The following ROBO2 variants were observed in gnomAD, a reference collection of about 807,000 sequenced individuals.
ROBO2 encodes roundabout guidance receptor 2.
Under a neutral mutation model 160.8 loss-of-function variants are expected in ROBO2, and 53 were observed. The ratio of observed to expected loss-of-function variants is 0.33; its 90% CI spans 0.26 to 0.41. The LOEUF is 0.41. Among genes scored for constraint, ROBO2 ranks in the 10% least tolerant of loss-of-function variants. The probability of loss-of-function intolerance (pLI) is 1.00; values close to 1 mark genes in which losing one functional copy is unlikely to be tolerated. For missense variants in ROBO2, 1,577 were observed against 1,722.4 expected (o/e 0.92, Z 1.49); for synonymous variants, 664 against 611.7 (o/e 1.09, Z -1.26).
exon 1 of ROBO2, chr3:77,040,773 T>A (rs2064001537): frequency 1.9e-6 from 3 of 1,614,062 alleles, no homozygotes; most frequent in Non-Finnish European, 2.5e-6. Context: ...TGGATCCTTT[T>A]TAATATGTCA....
chr3:76,008,863 T>TGAA (rs1183373073), intron 2 of ROBO2, among the ~76,000 whole-genome samples: 5 of 152,112 alleles, frequency 3.3e-5, no homozygotes, highest in Non-Finnish European at 5.9e-5. Context: ...CCTTCAGAAA[T>TGAA]GAAGACCCAA....
intron 2 of ROBO2, among the ~76,000 whole-genome samples, chr3:76,266,787 T>C (rs1032145774): frequency 6.6e-6 from 1 of 152,146 alleles, no homozygotes; most frequent in African/African-American, 2.4e-5. Context: ...ACCAAACTTT[T>C]GTGATATTTC....
At chr3:76,746,971 A>G (rs771635475) in intron 2 of ROBO2, among the ~76,000 whole-genome samples, 15 of 152,068 alleles carry the variant, frequency 9.9e-5, no homozygotes, top group Non-Finnish European at 7.4e-5. Context: ...GTCCCTGCAA[A>G]CAACGTGATC....
chr3:77,018,829 C>G (rs1220562682), intron 2 of ROBO2, among the ~76,000 whole-genome samples: 1 of 152,120 alleles, frequency 6.6e-6, no homozygotes, highest in African/African-American at 2.4e-5. Context: ...GAGACCGAAA[C>G]CAGAATGGTG....
chr3:76,532,826 C>T (rs1235500069), intron 2 of ROBO2, among the ~76,000 whole-genome samples: 2 of 152,162 alleles, frequency 1.3e-5, no homozygotes, highest in Non-Finnish European at 2.9e-5. Context: ...ACCCCATGAA[C>T]ATCATTATAA....
intron 6 of ROBO2, among the ~76,000 whole-genome samples, chr3:77,530,229 T>C (rs2091556521): frequency 6.6e-6 from 1 of 151,974 alleles, no homozygotes; most frequent in East Asian, 1.9e-4. Flanking sequence ...ATATAACGTT[T>C]AGAGAAATTT....
chr3:77,085,528 A>T (rs1308962320), intron 1 of ROBO2, among the ~76,000 whole-genome samples: 1 of 152,064 alleles, frequency 6.6e-6, no homozygotes, highest in African/African-American at 2.4e-5. Context: ...AGTTTGGCCA[A>T]CTGTGAAAAT....
At chr3:77,021,236 A>G (rs941892681) in intron 2 of ROBO2, among the ~76,000 whole-genome samples, 27 of 152,038 alleles carry the variant, frequency 1.8e-4, no homozygotes, top group Non-Finnish European at 3.7e-4. Flanking sequence ...AATACCCCAA[A>G]GTATGGTGCT....
At chr3:77,365,743 C>T (rs1351703137) in intron 2 of ROBO2, among the ~76,000 whole-genome samples, 1 of 126,346 alleles carries the variant, frequency 7.9e-6, no homozygotes, top group Non-Finnish European at 1.8e-5. Flanking sequence ...CATTTTTGTG[C>T]TGATAAGAGG....
At chr3:76,219,732 C>G (rs1703830441) in intron 2 of ROBO2, among the ~76,000 whole-genome samples, 1 of 152,158 alleles carries the variant, frequency 6.6e-6, no homozygotes, top group South Asian at 2.1e-4. Context: ...GTTCGTGGGA[C>G]TGTAAACTAG....
intron 2 of ROBO2, among the ~76,000 whole-genome samples, chr3:77,438,539 TACACACACACACAC>T (rs77955703): frequency 6.8e-6 from 1 of 147,168 alleles, no homozygotes; most frequent in Admixed American, 6.9e-5. Flanking sequence ...GAGAAGGGGA[TACACACACACACAC>T]ACACACACAC....
At chr3:77,229,062 T>G (rs377450101) in intron 2 of ROBO2, among the ~76,000 whole-genome samples, 1 of 152,316 alleles carries the variant, frequency 6.6e-6, no homozygotes, top group Non-Finnish European at 1.5e-5. Flanking sequence ...TTTTTCATAT[T>G]TAAGAACTGC....
intron 2 of ROBO2, among the ~76,000 whole-genome samples, chr3:76,689,940 C>G (rs149920570): frequency 6.6e-6 from 1 of 152,242 alleles, no homozygotes; most frequent in African/African-American, 2.4e-5. Flanking sequence ...ATTCCGTCTT[C>G]CATTTTACTC....
intron 2 of ROBO2, among the ~76,000 whole-genome samples, chr3:77,380,442 G>A (rs1002956115): frequency 2.8e-4 from 42 of 152,228 alleles, no homozygotes; most frequent in African/African-American, 9.9e-4. Context: ...GAGGACCCAA[G>A]TGTAACGTCA....
At chr3:76,136,023 C>A (rs1379349464) in intron 2 of ROBO2, among the ~76,000 whole-genome samples, 3 of 151,986 alleles carry the variant, frequency 2.0e-5, no homozygotes, top group African/African-American at 7.2e-5. Flanking sequence ...GGTACTGAAA[C>A]AATTCACTTT....
At chr3:76,602,531 A>T (rs1227958471) in intron 2 of ROBO2, among the ~76,000 whole-genome samples, 1 of 152,256 alleles carries the variant, frequency 6.6e-6, no homozygotes, top group Non-Finnish European at 1.5e-5. Context: ...CTTACATGGC[A>T]GCAGACGAGA....
chr3:76,679,919 T>G (rs759197933), intron 2 of ROBO2, among the ~76,000 whole-genome samples: 1 of 152,146 alleles, frequency 6.6e-6, no homozygotes, highest in Non-Finnish European at 1.5e-5. Flanking sequence ...GAGATTTCTT[T>G]AGTGTTATTT....
At chr3:76,555,781 G>A (rs1051293279) in intron 2 of ROBO2, among the ~76,000 whole-genome samples, 2 of 152,034 alleles carry the variant, frequency 1.3e-5, no homozygotes, top group East Asian at 3.9e-4. Context: ...GTGGTTTAAT[G>A]ACCAAAAGAA....
At chr3:76,999,184 G>C (rs1316743264) in intron 2 of ROBO2, among the ~76,000 whole-genome samples, 1 of 151,258 alleles carries the variant, frequency 6.6e-6, no homozygotes, top group African/African-American at 2.4e-5. Context: ...AATGAGTAAT[G>C]ATCTTGAACA....
Sources: gnomAD v4.1 joint callset for allele counts (sites outside exome capture counted in the v4.1 genomes callset) on GRCh38, gnomAD v4.1.1 for gene constraint, MANE v1.5 for transcripts, NCBI Gene and HGNC (gene_info 2026-07-23, HGNC 2026-07-21) for gene names.